VPS35L: variants seen among roughly 807,000 people sequenced by gnomAD.
VPS35L encodes the protein VPS35 endosomal protein sorting factor like.
VPS35L carries 83 observed loss-of-function variants against 133.0 expected under a neutral mutation model. That is an observed-to-expected ratio of 0.62 (90% CI 0.52 to 0.75). The LOEUF is 0.75. Ranked by LOEUF, VPS35L falls within the 30% of genes least tolerant of loss-of-function variation. The pLI is 0.00. For synonymous variants in VPS35L, 423 were observed against 449.9 expected (o/e 0.94, Z 0.76); for missense variants, 1,083 against 1,206.8 (o/e 0.90, Z 1.52).
At chr16:19,675,786 G>A (rs1183936696) in intron 27 of VPS35L, among the ~76,000 whole-genome samples, 1 of 151,696 alleles carries the variant, frequency 6.6e-6, no homozygotes, top group Non-Finnish European at 1.5e-5. Context: ...CTGACCTCAG[G>A]TGCTCAGCCC....
intron 1 of VPS35L, among the ~76,000 whole-genome samples, chr16:19,561,971 G>A (rs900456846): frequency 6.6e-6 from 1 of 152,082 alleles, no homozygotes; most frequent in Admixed American, 6.6e-5. Flanking sequence ...GCCGGGCGTG[G>A]GGGTGTGCCT....
At chr16:19,590,139 G>T (rs1859052) in intron 7 of VPS35L, among the ~76,000 whole-genome samples, 1 of 63,456 alleles carries the variant, frequency 1.6e-5, no homozygotes, top group Non-Finnish European at 3.3e-5. Flanking sequence ...TTCCCGCCCC[G>T]CCCCCCCCCC....
At chr16:19,584,277 C>T (rs1055904283) in intron 7 of VPS35L, among the ~76,000 whole-genome samples, 6 of 152,034 alleles carry the variant, frequency 3.9e-5, no homozygotes, top group Non-Finnish European at 8.8e-5. Context: ...GAGAAATTTC[C>T]ATACTGTTTT....
At chr16:19,600,792 G>A (rs544962724) in intron 8 of VPS35L, among the ~76,000 whole-genome samples, 102 of 152,296 alleles carry the variant, frequency 6.7e-4, no homozygotes, top group African/African-American at 2.4e-3. Context: ...AAACTGGTTA[G>A]TGTATATGCC....
chr16:19,618,730 T>C (rs748436559), intron 14 of VPS35L, among the ~76,000 whole-genome samples: 1 of 152,128 alleles, frequency 6.6e-6, no homozygotes, highest in Non-Finnish European at 1.5e-5. Context: ...TATTAATGAT[T>C]CCTATTTTCT....
intron 23 of VPS35L, among the ~76,000 whole-genome samples, chr16:19,646,650 G>A (rs764624494): frequency 1.4e-5 from 2 of 148,016 alleles, no homozygotes; most frequent in Non-Finnish European, 3.0e-5. Context: ...GGGCAACAGA[G>A]CAAAACTCTG....
intron 18 of VPS35L, among the ~76,000 whole-genome samples, 192 bp from the exon 19 acceptor site, chr16:19,632,900 G>T (rs1047933283): frequency 2.0e-5 from 3 of 152,244 alleles, no homozygotes; most frequent in Non-Finnish European, 1.5e-5. Flanking sequence ...CTGACTAGGT[G>T]TGGGGCTGTG....
chr16:19,594,222 G>A (rs963130367), intron 8 of VPS35L, among the ~76,000 whole-genome samples: 5 of 152,170 alleles, frequency 3.3e-5, no homozygotes, highest in Admixed American at 3.3e-4. Flanking sequence ...GGGAGTGGAT[G>A]CTACCTGGGC....
chr16:19,699,421 G>T lies in VPS35L; in HGVS notation c.2647-81G>T. 6.5e-7 allele frequency: 1 copy of T among 1,549,570 alleles called. No homozygotes were observed. Among genetic ancestry groups the T allele is most frequent in the South Asian group, 1.2e-5 (1 of 84,742 alleles). On this transcript the variant is annotated intron_variant, in intron 29 of 30. Coordinates refer to ENST00000417362, the MANE Select transcript of VPS35L (RefSeq NM_020314.7). This position sits in a 1 kb window ranked among gnomAD's most constrained non-coding sequence, Gnocchi z 4.2. ...TGGAACTCAGGCATGACCTACCCCA[G>T]AGTCAGCACTGTCCACAGCATCTCT... is the stretch of plus-strand genomic sequence containing the variant.
chr16:19,693,290 G>C (rs565633620), intron 29 of VPS35L, among the ~76,000 whole-genome samples: 4 of 152,098 alleles, frequency 2.6e-5, no homozygotes, highest in South Asian at 2.1e-4. Context: ...TGTGTTGCGG[G>C]GGGGCAGGGG....
intron 14 of VPS35L, among the ~76,000 whole-genome samples, chr16:19,625,017 A>G (rs923944565): frequency 6.6e-6 from 1 of 152,166 alleles, no homozygotes; most frequent in African/African-American, 2.4e-5. Flanking sequence ...GAGCTCTTTT[A>G]AAGATATGTA....
intron 29 of VPS35L, among the ~76,000 whole-genome samples, chr16:19,697,538 C>T (rs1975957844): frequency 6.6e-6 from 1 of 151,760 alleles, no homozygotes; most frequent in African/African-American, 2.4e-5. Flanking sequence ...TTTAAATTCT[C>T]ACTTGGGAAA....
At chr16:19,605,271 GA>G (rs559531317) in intron 9 of VPS35L, among the ~76,000 whole-genome samples, 76 of 152,176 alleles carry the variant, frequency 5.0e-4, no homozygotes, top group African/African-American at 1.8e-3. Context: ...CACCATAAAA[GA>G]AAAATAAGTG....
intron 29 of VPS35L, among the ~76,000 whole-genome samples, chr16:19,697,110 G>A (rs922074082): frequency 1.3e-5 from 2 of 152,192 alleles, no homozygotes; most frequent in African/African-American, 4.8e-5. Flanking sequence ...GCCAGCCCGC[G>A]TGCCCTGTGC....
chr16:19,605,490 T>A (rs1016335935), intron 9 of VPS35L, among the ~76,000 whole-genome samples: 1 of 152,236 alleles, frequency 6.6e-6, no homozygotes, highest in Admixed American at 6.5e-5. Flanking sequence ...TTCAGCCCTG[T>A]ATGAACTGGC....
chr16:19,608,882 C>A, intron 10 of VPS35L, 92 bp from the exon 11 acceptor site: 1 of 1,149,702 alleles, frequency 8.7e-7, no homozygotes, highest in Non-Finnish European at 1.3e-6. Context: ...TCTCCTAAGA[C>A]CCGCCTACTT....
Position 19,629,821 on chromosome 16 carries a change from G to T in VPS35L, c.1554+1G>T, listed in dbSNP as rs1973388355. 6.2e-7 allele frequency: 1 copy of T among 1,612,880 alleles called. No individual in the cohort carries two copies. The highest frequency in any genetic ancestry group is 1.3e-5 in the African/African-American group (1 of 74,882). On this transcript the variant is annotated splice_donor_variant, in intron 18 of 30. Coordinates refer to ENST00000417362, the MANE Select transcript of VPS35L (RefSeq NM_020314.7). LOFTEE classifies it high-confidence loss of function. Reference sequence around the variant, plus strand: ...GGAATACACCTGCAAGCATTTCACGGTATGTGTGACTGTGGTATTGTTTTT... The same window carrying T: ...GGAATACACCTGCAAGCATTTCACGTTATGTGTGACTGTGGTATTGTTTTT...
intron 12 of VPS35L, among the ~76,000 whole-genome samples, chr16:19,614,360 A>G (rs1436922694): frequency 6.6e-6 from 1 of 152,174 alleles, no homozygotes; most frequent in Non-Finnish European, 1.5e-5. Flanking sequence ...AAACATTATT[A>G]GTGTTACCCA....
intron 7 of VPS35L, among the ~76,000 whole-genome samples, chr16:19,590,203 G>A (rs1222247668): frequency 7.9e-6 from 1 of 126,040 alleles, no homozygotes; most frequent in African/African-American, 3.1e-5. Context: ...AATCAGACAC[G>A]TTGTTTACTT....
Sources: gnomAD v4.1 joint callset for allele counts (sites outside exome capture counted in the v4.1 genomes callset) on GRCh38, gnomAD v4.1.1 for gene constraint, Gnocchi (gnomAD v3.1) non-coding constraint, MANE v1.5 for transcripts, NCBI Gene and HGNC (gene_info 2026-07-23, HGNC 2026-07-21) for gene names.